Variants in GGA3 observed in about 807,000 individuals in gnomAD.
The protein encoded by GGA3 is golgi associated, gamma adaptin ear containing, ARF binding protein 3.
GGA3 carries 57 observed loss-of-function variants against 77.5 expected under a neutral mutation model. The ratio of observed to expected loss-of-function variants is 0.74; its 90% CI spans 0.59 to 0.92. The LOEUF is 0.92. Ranked by LOEUF, GGA3 falls within the 40% of genes least tolerant of loss-of-function variation. The pLI is 0.00. For synonymous variants in GGA3, 416 were observed against 383.7 expected (o/e 1.08, Z -0.98); for missense variants, 970 against 914.9 (o/e 1.06, Z -0.78).
Position 75,244,704 on chromosome 17 carries a change from C to T in GGA3, c.215G>A (p.Cys72Tyr). 1 of 1,613,290 alleles carries T rather than the reference C, an allele frequency of 6.2e-7. No individual in the cohort carries two copies. Among genetic ancestry groups the T allele is most frequent in the Non-Finnish European group, 8.5e-7 (1 of 1,179,216 alleles). The stretch of plus-strand genomic sequence containing the variant: ...AAATCTCCTCCCACAGTTCTTCATG[C>T]ATGCCTCCAGCACCTGTAGCCGCAC... ...ALQALTVLEA[C>Y]MKNCGRRFHN... The change falls in exon 4 of 17, where the codon TGC (cysteine) becomes TAC (tyrosine). Residue 72 changes from cysteine (C) to tyrosine (Y), a missense_variant. Coordinates refer to ENST00000537686, the MANE Select transcript of GGA3 (RefSeq NM_138619.4).
rs768049330 is a variant in GGA3 at position 75,255,951 on chromosome 17, GC to G, written c.40+5596del. Among the ~76,000 whole-genome samples the G allele has an allele frequency of 1.5e-3, 232 of 152,274 alleles. 1 individual carries two copies. Among genetic ancestry groups the G allele is most frequent in the Non-Finnish European group, 2.0e-3 (137 of 68,028 alleles). On this transcript the variant is annotated intron_variant, in intron 1 of 16. Coordinates refer to ENST00000537686, the MANE Select transcript of GGA3 (RefSeq NM_138619.4). Reference sequence around the variant, plus strand: ...GTACTGCTGCAAGGCTTCACAGACAGCCCCCATTACTTCAGTCAAGCCCAAA... The same window carrying G: ...GTACTGCTGCAAGGCTTCACAGACAGCCCCATTACTTCAGTCAAGCCCAAA...
At chr17:75,255,761 C>T (rs1466671072) in intron 1 of GGA3, among the ~76,000 whole-genome samples, 1 of 152,290 alleles carries the variant, frequency 6.6e-6, no homozygotes, top group African/African-American at 2.4e-5. Flanking sequence ...TGGTACCAAA[C>T]CATATACTCT....
rs1425697064 is a variant in GGA3, at chr17:75,244,561, G to A, written c.300+58C>T. 1.3e-5 allele frequency: 13 copies of A among 1,014,040 alleles called. No individual in the cohort carries two copies. The East Asian group carries it at 3.1e-4, about 24-fold the overall frequency. The allele number at this position is 1,014,040 out of a possible 1,614,324, so 62.8% of individuals were successfully genotyped here. On this transcript the variant is annotated intron_variant, in intron 4 of 16. Coordinates refer to ENST00000537686, the MANE Select transcript of GGA3 (RefSeq NM_138619.4). ...TGGGCAGTGAAAGCCAGTATGATGG[G>A]AGATGGGAATGAACACAAAAGAAGT...
In GGA3 at chr17:75,237,808, G is replaced by A. The variant is rs915621492; in HGVS notation, c.*471C>T. The A allele has an allele frequency of 7.7e-6, 11 of 1,428,640 alleles. No homozygotes were observed. In the African/African-American group the frequency reaches 8.6e-5, roughly 11 times the overall value. The allele number at this position is 1,428,640 out of a possible 1,614,324, so 88.5% of individuals were successfully genotyped here. A position where few individuals can be genotyped will look rare whatever the true frequency, so the allele number is the denominator to read the frequency against. On this transcript the variant is annotated 3_prime_UTR_variant, in exon 17 of 17. Transcript: ENST00000537686. ...GATGGCAGCAGGAGCTGGTTGGCGG[G>A]GGAAGCATGGAATTGCAACAGGGCT...
chr17:75,258,682 A>G (rs977870808), intron 1 of GGA3, among the ~76,000 whole-genome samples: 1 of 152,102 alleles, frequency 6.6e-6, no homozygotes, highest in Non-Finnish European at 1.5e-5. Flanking sequence ...ATAAATAAAT[A>G]AATAAAATAA....
rs916801154 is a variant in GGA3, at chr17:75,240,958, G to A, written c.1046C>T (p.Pro349Leu). The A allele has an allele frequency of 1.2e-6, 2 of 1,614,022 alleles. No individual in the cohort carries two copies. The highest frequency in any genetic ancestry group is 1.7e-6 in the Non-Finnish European group (2 of 1,180,008). The change falls in exon 11 of 17, where the codon CCC becomes CTC. Residue 349 changes from proline (P) to leucine (L), a missense_variant. Physicochemically the swap from Pro to Leu is moderately conservative, Grantham distance 98. Transcript: ENST00000537686. ...AGGGAGGATTGGGATGCCTGAGGAG[G>A]GTGGAGTAGGTGCTGGGGCCAACAC... is the stretch of plus-strand genomic sequence containing the variant. ...SSVLAPAPTP[P>L]SSGIPILPPP...
In GGA3 at chr17:75,239,155, A is replaced by G. The variant is rs2076431567; in HGVS notation, c.1781-72T>C. ...CCAACAGAGCCCCGGCGGTGAGGAG[A>G]AAAGGGCTACTCCGTGGTCATGATG... is the stretch of plus-strand genomic sequence containing the variant. On this transcript the variant is annotated intron_variant, in intron 14 of 16. Coordinates refer to ENST00000537686, the MANE Select transcript of GGA3 (RefSeq NM_138619.4). The G allele has an allele frequency of 2.9e-6, 4 of 1,402,134 alleles. No individual in the cohort carries two copies. In the African/African-American group the frequency reaches 4.2e-5, roughly 15 times the overall value. The allele number at this position is 1,402,134 out of a possible 1,614,324, so 86.9% of individuals were successfully genotyped here. A position where few individuals can be genotyped will look rare whatever the true frequency, so the allele number is the denominator to read the frequency against.
rs1374077482 is a variant in GGA3 at position 75,237,647 on chromosome 17, G to A, written c.*632C>T. On this transcript the variant is annotated 3_prime_UTR_variant, in exon 17 of 17. Coordinates refer to ENST00000537686, the MANE Select transcript of GGA3 (RefSeq NM_138619.4). ...TGTCCATAGGACACAGCCTGCCACT[G>A]CCAGGGACAAGCACACAACTCATCA... 9 of 1,502,368 alleles carry A rather than the reference G, an allele frequency of 6.0e-6. No homozygotes were observed. The highest frequency in any genetic ancestry group is 6.2e-6 in the Non-Finnish European group (7 of 1,128,242). The allele number at this position is 1,502,368 out of a possible 1,614,324, so 93.1% of individuals were successfully genotyped here. A position where few individuals can be genotyped will look rare whatever the true frequency, so the allele number is the denominator to read the frequency against.
At chr17:75,239,760 G>T in intron 13 of GGA3, 29 bp downstream of exon 13, 1 of 1,609,960 alleles carries the variant, frequency 6.2e-7, no homozygotes, top group Non-Finnish European at 8.5e-7. Flanking sequence ...CCAACCCTCA[G>T]CAACCCCACA....
intron 1 of GGA3, among the ~76,000 whole-genome samples, chr17:75,251,790 G>C (rs1288604046): frequency 1.0e-5 from 1 of 96,772 alleles, no homozygotes; most frequent in Admixed American, 1.2e-4. Context: ...TTTCTTTTTT[G>C]AGACAGGGTC....
At chr17:75,259,772 C>CATT (rs10658206) in intron 1 of GGA3, among the ~76,000 whole-genome samples, 123,636 of 151,818 alleles carry the variant, frequency 0.81, 52,200 homozygotes, top group East Asian at 0.92. Context: ...GTACAGTTCA[C>CATT]ATTAAGTCGT....
upstream of GGA3, chr17:75,262,014 C>T: frequency 1.9e-6 from 3 of 1,599,168 alleles, no homozygotes; most frequent in Non-Finnish European, 1.7e-6. Flanking sequence ...GGCGGGGGGG[C>T]GCTGCGAGGA....
chr17:75,246,133 T>A (rs532917392), intron 3 of GGA3, among the ~76,000 whole-genome samples: 3 of 152,310 alleles, frequency 2.0e-5, no homozygotes, highest in African/African-American at 7.2e-5. Context: ...GACCGACCCC[T>A]CTTTTCTTCA....
chr17:75,261,987 A>T (rs750284609), upstream of GGA3: 1 of 1,552,648 alleles, frequency 6.4e-7, no homozygotes, highest in South Asian at 1.1e-5. Context: ...TTCCAGGGTG[A>T]GAGGGTGGCG....
At chr17:75,252,288 G>A (rs777789022) in intron 1 of GGA3, among the ~76,000 whole-genome samples, 1 of 151,406 alleles carries the variant, frequency 6.6e-6, no homozygotes, top group African/African-American at 2.4e-5. Flanking sequence ...TGCAGTAGGC[G>A]ATCATGGCTC....
upstream of GGA3, chr17:75,262,191 G>A (rs2077412205): frequency 4.4e-6 from 3 of 686,004 alleles, no homozygotes; most frequent in Admixed American, 2.9e-5. Context: ...GGGTTCTAAC[G>A]CGGAGCTGAA....
intron 1 of GGA3, among the ~76,000 whole-genome samples, chr17:75,252,122 C>T (rs1490258966): frequency 1.3e-5 from 2 of 151,864 alleles, no homozygotes; most frequent in Non-Finnish European, 2.9e-5. Flanking sequence ...CTCTGTCACC[C>T]AGGTTGGAGT....
chr17:75,240,526 G>A lies in GGA3; in HGVS notation c.1193-114C>T. ...GTGACATCAATGGGTGAAGGCGCCG[G>A]GAGAAGCTGTTCTGCAGGCAGCCTC... On this transcript the variant is annotated intron_variant, in intron 11 of 16. Transcript: ENST00000537686. 2.0e-5 allele frequency: 14 copies of A among 708,000 alleles called. No individual in the cohort carries two copies. In the South Asian group the frequency reaches 2.4e-4, roughly 12 times the overall value. 43.9% of individuals were successfully genotyped at this position (708,000 alleles called of 1,614,324 possible). A position where few individuals can be genotyped will look rare whatever the true frequency, so the allele number is the denominator to read the frequency against.
upstream of GGA3, chr17:75,261,696 G>A: frequency 4.1e-6 from 5 of 1,225,874 alleles, no homozygotes; most frequent in Admixed American, 2.8e-5. Flanking sequence ...GTCACCGAGG[G>A]CCGCGCCAGA....
Sources: gnomAD v4.1 joint callset for allele counts (sites outside exome capture counted in the v4.1 genomes callset) on GRCh38, gnomAD v4.1.1 for gene constraint, MANE v1.5 for transcripts, NCBI Gene and HGNC (gene_info 2026-07-23, HGNC 2026-07-21) for gene names.